DENND4C: variants seen among roughly 807,000 people sequenced by gnomAD.
DENND4C encodes DENN domain containing 4C.
DENND4C carries 108 observed loss-of-function variants against 203.0 expected under a neutral mutation model. The ratio of observed to expected loss-of-function variants is 0.53; its 90% CI spans 0.46 to 0.62. DENND4C has a LOEUF of 0.62. Among genes scored for constraint, DENND4C ranks in the 20% least tolerant of loss-of-function variants. The probability of loss-of-function intolerance (pLI) is 0.00; values close to 1 mark genes in which losing one functional copy is unlikely to be tolerated. For missense variants in DENND4C, 2,481 were observed against 2,301.2 expected (o/e 1.08, Z -1.60); for synonymous variants, 871 against 792.4 (o/e 1.10, Z -1.67).
At chr9:19,237,323 G>A (rs1339717033) in intron 1 of DENND4C, among the ~76,000 whole-genome samples, 2 of 151,632 alleles carry the variant, frequency 1.3e-5, no homozygotes, top group Admixed American at 1.3e-4. Context: ...CCGGCCGACA[G>A]CTTTTAGATT....
Position 19,373,860 on chromosome 9 carries a change from T to G in DENND4C, c.*1687T>G, listed in dbSNP as rs1829236995. ...GTAACCATTTACAAATTATAGTTAT[T>G]GTACCAGTCTTTCAACATTTCAGGG... On this transcript the variant is annotated 3_prime_UTR_variant, in exon 33 of 33. Coordinates refer to ENST00000434457, the MANE Select transcript of DENND4C (RefSeq NM_001330640.2). Among the ~76,000 whole-genome samples the G allele has an allele frequency of 6.6e-6, 1 of 152,174 alleles. No homozygotes were observed. Among genetic ancestry groups the G allele is most frequent in the Non-Finnish European group, 1.5e-5 (1 of 67,976 alleles).
At chr9:19,336,509 C>T (rs545818415) in intron 19 of DENND4C, 95 bp downstream of exon 19, 669 of 1,461,336 alleles carry the variant, frequency 4.6e-4, no homozygotes, top group Middle Eastern at 1.7e-3. Context: ...ACTTAAATTC[C>T]GGTAGACATT....
At chr9:19,244,665 G>A (rs1428668663) in intron 1 of DENND4C, among the ~76,000 whole-genome samples, 3 of 151,700 alleles carry the variant, frequency 2.0e-5, no homozygotes, top group East Asian at 3.9e-4. Context: ...GCTTGAACCC[G>A]GGAGGTGGAG....
chr9:19,231,626 C>T (rs1368125343), intron 1 of DENND4C, among the ~76,000 whole-genome samples: 1 of 151,434 alleles, frequency 6.6e-6, no homozygotes, highest in Non-Finnish European at 1.5e-5. Flanking sequence ...TAAGGAATTA[C>T]CCAGTTTTTA....
In DENND4C at chr9:19,326,140, T is replaced by C; in HGVS notation, c.2066T>C (p.Ile689Thr). The change falls in exon 15 of 33, where the codon ATA (isoleucine) becomes ACA (threonine). Residue 689 changes from isoleucine to threonine, a missense_variant. Ile to Thr is a moderately conservative substitution (Grantham distance 89). This residue lies in a region of DENND4C where 2,289 missense variants were observed against 2,113.3 expected (regional missense o/e 1.08). Coordinates refer to ENST00000434457, the MANE Select transcript of DENND4C (RefSeq NM_001330640.2). The stretch of plus-strand genomic sequence containing the variant: ...CAGAAAAGTGAGCATACTGTATTTA[T>C]AATGCCGCCAGAGCCACCTCCTGAT... ...DSQKSEHTVF[I>T]MPPEPPPDDG... The C allele has an allele frequency of 6.2e-7, 1 of 1,613,522 alleles. No individual in the cohort carries two copies. Among genetic ancestry groups the C allele is most frequent in the Non-Finnish European group, 8.5e-7 (1 of 1,179,724 alleles).
At chr9:19,280,445 G>A (rs113523277) in intron 2 of DENND4C, among the ~76,000 whole-genome samples, 3 of 152,228 alleles carry the variant, frequency 2.0e-5, no homozygotes, top group East Asian at 1.9e-4. Context: ...GTGCCCCGCC[G>A]GAAGGGGCTT....
At chr9:19,272,129 G>A (rs77878230) in intron 1 of DENND4C, among the ~76,000 whole-genome samples, 35,209 of 151,340 alleles carry the variant, frequency 0.23, 4,279 homozygotes, top group East Asian at 0.44. Context: ...TTAAATAAAA[G>A]AGAGACTGGC....
intron 24 of DENND4C, among the ~76,000 whole-genome samples, 176 bp from the exon 25 acceptor site, chr9:19,351,897 T>G (rs113080930): frequency 2.0e-5 from 3 of 152,080 alleles, no homozygotes; most frequent in Non-Finnish European, 4.4e-5. Flanking sequence ...TCCACCTAGA[T>G]TTAATTAACT....
At chr9:19,250,677 A>G (rs569460739) in intron 1 of DENND4C, among the ~76,000 whole-genome samples, 5 of 152,368 alleles carry the variant, frequency 3.3e-5, no homozygotes, top group African/African-American at 1.2e-4. Flanking sequence ...GGCATTGGGT[A>G]AATACAGCCA....
chr9:19,265,805 A>T (rs922196779), intron 1 of DENND4C, among the ~76,000 whole-genome samples: 2 of 152,208 alleles, frequency 1.3e-5, no homozygotes, highest in Non-Finnish European at 2.9e-5. Context: ...ATGGCTGCAT[A>T]GTATTCCATG....
At chr9:19,331,150 G>A (rs1050388219) in intron 16 of DENND4C, among the ~76,000 whole-genome samples, 10 of 151,012 alleles carry the variant, frequency 6.6e-5, no homozygotes, top group Non-Finnish European at 1.5e-4. Context: ...ACCAGAACTA[G>A]AAAACATGAC....
chr9:19,333,727 C>T (rs772439287), intron 17 of DENND4C, among the ~76,000 whole-genome samples: 1 of 152,198 alleles, frequency 6.6e-6, no homozygotes, highest in Non-Finnish European at 1.5e-5. Context: ...GAAGTAGATA[C>T]TGATATTATC....
chr9:19,247,587 G>A (rs1363025039), intron 1 of DENND4C, among the ~76,000 whole-genome samples: 2 of 152,094 alleles, frequency 1.3e-5, no homozygotes, highest in African/African-American at 4.8e-5. Context: ...TTGAGACTGG[G>A]TCTTGCTGTG....
intron 30 of DENND4C, among the ~76,000 whole-genome samples, chr9:19,365,121 T>C (rs1347579148): frequency 6.6e-6 from 1 of 152,182 alleles, no homozygotes; most frequent in African/African-American, 2.4e-5. Context: ...TAAAAATCAG[T>C]ATCATTTAGT....
At chr9:19,327,084 C>T (rs886691948) in intron 15 of DENND4C, among the ~76,000 whole-genome samples, 5 of 152,006 alleles carry the variant, frequency 3.3e-5, no homozygotes, top group Non-Finnish European at 7.4e-5. Context: ...AGGAATGTAT[C>T]TGGGATTGAA....
At chr9:19,268,461 C>T (rs988528376) in intron 1 of DENND4C, among the ~76,000 whole-genome samples, 1 of 152,162 alleles carries the variant, frequency 6.6e-6, no homozygotes, top group Admixed American at 6.5e-5. Context: ...GAGTAGTTTA[C>T]ACACCAGAAT....
intron 1 of DENND4C, among the ~76,000 whole-genome samples, chr9:19,263,952 G>A (rs372493311): frequency 6.6e-5 from 10 of 152,042 alleles, no homozygotes; most frequent in African/African-American, 2.2e-4. Context: ...GAGCCACTGC[G>A]CCTGGCCAAT....
At chr9:19,285,625 G>A (rs1051900822) in intron 2 of DENND4C, among the ~76,000 whole-genome samples, 4 of 145,276 alleles carry the variant, frequency 2.8e-5, no homozygotes, top group African/African-American at 1.0e-4. Context: ...TGCTTTTGGT[G>A]TCATATCTAA....
At chr9:19,330,346 T>TTC (rs1168837994) in intron 16 of DENND4C, among the ~76,000 whole-genome samples, 1 of 148,076 alleles carries the variant, frequency 6.8e-6, no homozygotes, top group Non-Finnish European at 1.5e-5. Context: ...TTTTTTTTTT[T>TTC]TTTTTTTTTT....
Sources: gnomAD v4.1 joint callset for allele counts (sites outside exome capture counted in the v4.1 genomes callset) on GRCh38, gnomAD v4.1.1 for gene constraint, gnomAD v4.1.1 regional missense constraint, MANE v1.5 for transcripts, NCBI Gene and HGNC (gene_info 2026-07-23, HGNC 2026-07-21) for gene names.